Variants in VPS13A observed in about 807,000 individuals in gnomAD.
VPS13A encodes vacuolar protein sorting 13 homolog A.
In VPS13A, 264 loss-of-function variants were observed where a neutral mutation model predicts 390.9. The observed-to-expected ratio is 0.68, with a 90% confidence interval of 0.61 to 0.75. The LOEUF (loss-of-function observed/expected upper bound fraction) is 0.75, where lower values mean the gene tolerates loss of function less well. VPS13A is among the 30% of genes least tolerant of loss of function. VPS13A has a pLI of 0.00. For missense variants in VPS13A, 3,409 were observed against 3,733.9 expected, an observed-to-expected ratio of 0.91 and a Z score of 2.27; for synonymous variants, 1,231 against 1,227.1, an observed-to-expected ratio of 1.00 and a Z score of -0.07.
chr9:77,302,281 AATGGTTTACTATACAACTTACAACTT>A (rs546352891), intron 33 of VPS13A, among the ~76,000 whole-genome samples: 139 of 151,880 alleles, frequency 9.2e-4, no homozygotes, highest in African/African-American at 3.1e-3. Flanking sequence ...TTCTTATTTT[AATGGTTTACTATACAACTTACAACTT>A]ATATACTTTT....
chr9:77,369,658 TG>T, intron 63 of VPS13A, among the ~76,000 whole-genome samples: 1 of 152,208 alleles, frequency 6.6e-6, no homozygotes, highest in East Asian at 1.9e-4. Flanking sequence ...ATATAAAAGG[TG>T]GATAAAGTAG....
At chr9:77,392,751 A>T (rs879419385) in intron 68 of VPS13A, among the ~76,000 whole-genome samples, 4 of 150,254 alleles carry the variant, frequency 2.7e-5, no homozygotes, top group African/African-American at 7.3e-5. Flanking sequence ...ATAACTATAT[A>T]AAACTATATA....
intron 8 of VPS13A, 60 bp downstream of exon 8, chr9:77,213,088 A>G: frequency 6.3e-7 from 1 of 1,585,706 alleles, no homozygotes. Context: ...AAGCCAAATG[A>G]TAATATATAG....
intron 10 of VPS13A, among the ~76,000 whole-genome samples, chr9:77,219,619 T>G (rs1020337372): frequency 6.6e-6 from 1 of 152,208 alleles, no homozygotes; most frequent in Non-Finnish European, 1.5e-5. Context: ...CTAATGTTCA[T>G]TCATTCTGTA....
At chr9:77,382,488 A>G (rs1486632173) in intron 68 of VPS13A, 1 of 1,321,156 alleles carries the variant, frequency 7.6e-7, no homozygotes, top group Non-Finnish European at 9.7e-7. Flanking sequence ...GATTTGCTAG[A>G]TTTGTTGGAA....
At chr9:77,307,916 A>G in intron 34 of VPS13A, 29 bp from the exon 35 acceptor site, 2 of 1,548,072 alleles carry the variant, frequency 1.3e-6, no homozygotes, top group Non-Finnish European at 1.8e-6. Flanking sequence ...TAGCAGTGCT[A>G]AAAAGAACAA....
At chr9:77,343,131 G>A (rs1830931782) in intron 50 of VPS13A, among the ~76,000 whole-genome samples, 1 of 152,082 alleles carries the variant, frequency 6.6e-6, no homozygotes, top group Admixed American at 6.6e-5. Flanking sequence ...AGCTCTCAAG[G>A]AAGGCCTCTG....
chr9:77,321,517 T>C lies in VPS13A; in HGVS notation c.5601T>C (p.Ser1867=). 6.2e-7 allele frequency: 1 copy of C among 1,613,504 alleles called. No homozygotes were observed. Among genetic ancestry groups the C allele is most frequent in the Non-Finnish European group, 8.5e-7 (1 of 1,179,622 alleles). Residue 1867 remains serine (S), a synonymous_variant, in exon 44 of 72, where the codon TCT becomes TCC. Transcript: ENST00000360280. Reference sequence around the variant, plus strand: ...CATTTACAGAAGCTGCCACTGGATCTTCAGCTGACTTCGTAAAGGATCTAG... The same window carrying C: ...CATTTACAGAAGCTGCCACTGGATCCTCAGCTGACTTCGTAAAGGATCTAG... The part of the protein sequence containing the change: ...VKAFTEAATG[S]SADFVKDLAP...
chr9:77,376,224 A>G (rs1301754402), intron 67 of VPS13A, among the ~76,000 whole-genome samples: 1 of 152,168 alleles, frequency 6.6e-6, no homozygotes, highest in Non-Finnish European at 1.5e-5. Context: ...AGAGTGAGGA[A>G]CGGGGAAAGT....
At chr9:77,258,708 T>C (rs1825591245) in intron 22 of VPS13A, among the ~76,000 whole-genome samples, 1 of 152,140 alleles carries the variant, frequency 6.6e-6, no homozygotes. Context: ...TTATGTCTGC[T>C]GCTTGTTTAC....
At chr9:77,228,359 T>A in intron 17 of VPS13A, 95 bp downstream of exon 17, 1 of 1,178,010 alleles carries the variant, frequency 8.5e-7, no homozygotes. Context: ...TAAAGAGCAC[T>A]ATAGTTTCAT....
chr9:77,334,324 T>G lies in VPS13A; in HGVS notation c.6095+2211T>G, dbSNP rs141115209. On this transcript the variant is annotated intron_variant, in intron 46 of 71. Coordinates refer to ENST00000360280, the MANE Select transcript of VPS13A (RefSeq NM_033305.3). Reference sequence around the variant, plus strand: ...CCATCTATTAGTTTGATCTGTTTTTTTCTTCTTGTCTCAGATAATTTGATG... The same window carrying G: ...CCATCTATTAGTTTGATCTGTTTTTGTCTTCTTGTCTCAGATAATTTGATG... 4.8e-3 allele frequency among the ~76,000 whole-genome samples: 732 copies of G among 152,318 alleles called. 7 individuals carry two copies. Among genetic ancestry groups the G allele is most frequent in the African/African-American group, 0.017 (694 of 41,564 alleles).
chr9:77,191,597 C>A (rs1473637430), intron 1 of VPS13A, among the ~76,000 whole-genome samples: 1 of 152,118 alleles, frequency 6.6e-6, no homozygotes, highest in African/African-American at 2.4e-5. Flanking sequence ...CCGTGCCTGG[C>A]CCAAAGAATT....
At chr9:77,303,417 A>G (rs896790143) in intron 34 of VPS13A, among the ~76,000 whole-genome samples, 1 of 152,036 alleles carries the variant, frequency 6.6e-6, no homozygotes, top group Non-Finnish European at 1.5e-5. Flanking sequence ...GGTAAATTTA[A>G]TGAAGTGAAG....
chr9:77,414,625 A>G (rs1219068288), intron 71 of VPS13A, among the ~76,000 whole-genome samples: 1 of 151,988 alleles, frequency 6.6e-6, no homozygotes, highest in Non-Finnish European at 1.5e-5. Context: ...GCATTAGGAG[A>G]TATACCTAAT....
chr9:77,190,787 AGG>A (rs1824631520), intron 1 of VPS13A, among the ~76,000 whole-genome samples: 2 of 152,136 alleles, frequency 1.3e-5, no homozygotes, highest in African/African-American at 4.8e-5. Flanking sequence ...AGTTTCTTCC[AGG>A]TTCAATCTTG....
intron 31 of VPS13A, among the ~76,000 whole-genome samples, chr9:77,292,972 T>C (rs1469681400): frequency 3.9e-5 from 6 of 151,980 alleles, no homozygotes; most frequent in Non-Finnish European, 7.4e-5. Context: ...ATACAGTGTT[T>C]TTCAAATTTT....
At chr9:77,240,466 T>C (rs1413503829) in intron 19 of VPS13A, among the ~76,000 whole-genome samples, 1 of 142,158 alleles carries the variant, frequency 7.0e-6, no homozygotes. Flanking sequence ...GGTTTGTTTT[T>C]GTTATGTTTT....
chr9:77,340,244 G>T lies in VPS13A; in HGVS notation c.6841G>T (p.Gly2281Ter), dbSNP rs1409058629. The change falls in exon 49 of 72, where the codon GGA becomes TGA. Residue 2281 changes from glycine to a stop codon, truncating the protein, a stop_gained. Coordinates refer to ENST00000360280, the MANE Select transcript of VPS13A (RefSeq NM_033305.3). LOFTEE classifies it high-confidence loss of function. ...QFSIDTVGSHGAVKCKGLKMD... is the reference protein window; with the variant it reads ...QFSIDTVGSH ...TTCAATTGATACTGTTGGTAGTCAT[G>T]GAGCTGTTAAATGTAAAGGCCTGAA... The T allele has an allele frequency of 5.0e-6, 8 of 1,613,334 alleles. No individual in the cohort carries two copies. Among genetic ancestry groups the T allele is most frequent in the Non-Finnish European group, 6.8e-6 (8 of 1,179,628 alleles).
Sources: allele counts gnomAD v4.1 joint callset (sites outside exome capture counted in the v4.1 genomes callset), GRCh38; gene constraint gnomAD v4.1.1; transcripts MANE v1.5; gene names NCBI Gene and HGNC (gene_info 2026-07-23, HGNC 2026-07-21).